Variants in GALNT13 observed in about 807,000 individuals in gnomAD.
GALNT13 encodes the protein polypeptide N-acetylgalactosaminyltransferase 13.
GALNT13 carries 28 observed loss-of-function variants against 64.2 expected under a neutral mutation model. The observed-to-expected ratio is 0.44, with a 90% confidence interval of 0.32 to 0.60. The LOEUF is 0.60. Ranked by LOEUF, GALNT13 falls within the 20% of genes least tolerant of loss-of-function variation. The pLI is 0.05. For missense variants in GALNT13, 577 were observed against 669.8 expected (o/e 0.86, Z 1.53); for synonymous variants, 214 against 224.6 (o/e 0.95, Z 0.42).
At chr2:153,963,747 G>C (rs994782757) in intron 3 of GALNT13, among the ~76,000 whole-genome samples, 46 of 143,860 alleles carry the variant, frequency 3.2e-4, no homozygotes, top group African/African-American at 7.5e-4. Context: ...GTGTGTGTGT[G>C]TGTGTGTGTG....
At chr2:153,156,501 G>T in the GALNT13 span, among the ~76,000 whole-genome samples, 1 of 152,062 alleles carries the variant, frequency 6.6e-6, no homozygotes, top group South Asian at 2.1e-4. Context: ...AAGAGAAACT[G>T]GTGTTTCTGG....
intron 1 of GALNT13, among the ~76,000 whole-genome samples, chr2:153,873,216 C>T (rs918981572): frequency 6.6e-6 from 1 of 152,056 alleles, no homozygotes; most frequent in Non-Finnish European, 1.5e-5. Flanking sequence ...TCAGTGGGGA[C>T]GCGGAGGAGA....
the GALNT13 span, among the ~76,000 whole-genome samples, chr2:153,306,209 T>G: frequency 6.6e-6 from 1 of 152,200 alleles, no homozygotes; most frequent in African/African-American, 2.4e-5. Context: ...GGTCGTTTCC[T>G]GCTTTCTTGT....
At chr2:153,147,948 C>T in the GALNT13 span, among the ~76,000 whole-genome samples, 4 of 151,940 alleles carry the variant, frequency 2.6e-5, no homozygotes, top group South Asian at 2.1e-4. Context: ...AGAACCTAGA[C>T]ATGCTTGAGT....
the GALNT13 span, among the ~76,000 whole-genome samples, chr2:153,484,795 T>C: frequency 6.6e-6 from 1 of 152,210 alleles, no homozygotes; most frequent in Non-Finnish European, 1.5e-5. Flanking sequence ...AACCATTGTT[T>C]AATGTTTTCC....
chr2:153,280,943 C>T, the GALNT13 span, among the ~76,000 whole-genome samples: 1 of 152,058 alleles, frequency 6.6e-6, no homozygotes, highest in Non-Finnish European at 1.5e-5. Flanking sequence ...GGATGACTGG[C>T]GCAATGCTGT....
chr2:153,643,651 A>G, the GALNT13 span, among the ~76,000 whole-genome samples: 2 of 151,892 alleles, frequency 1.3e-5, no homozygotes, highest in African/African-American at 2.4e-5. Flanking sequence ...GGTTAGAAAA[A>G]AAGAGTAGAC....
the GALNT13 span, among the ~76,000 whole-genome samples, chr2:153,630,564 G>C: frequency 6.9e-6 from 1 of 145,940 alleles, no homozygotes. Context: ...CGAGTTAATA[G>C]GTGCAGCACA....
intron 4 of GALNT13, among the ~76,000 whole-genome samples, chr2:154,222,745 C>T (rs957990463): frequency 1.3e-5 from 2 of 152,062 alleles, no homozygotes; most frequent in Non-Finnish European, 2.9e-5. Context: ...GCACTTTCCC[C>T]ATATGTTACC....
intron 3 of GALNT13, among the ~76,000 whole-genome samples, chr2:153,986,172 G>T (rs570096293): frequency 1.3e-5 from 2 of 151,996 alleles, no homozygotes; most frequent in Non-Finnish European, 2.9e-5. Context: ...ATGCTAAAGA[G>T]CTGGCTTCAA....
chr2:153,458,233 A>G, the GALNT13 span, among the ~76,000 whole-genome samples: 1 of 151,248 alleles, frequency 6.6e-6, no homozygotes, highest in Non-Finnish European at 1.5e-5. Flanking sequence ...TTAAAAAAAA[A>G]TCAGTAGTTT....
chr2:154,115,074 G>A (rs961505372), intron 3 of GALNT13, among the ~76,000 whole-genome samples: 1 of 152,122 alleles, frequency 6.6e-6, no homozygotes, highest in Non-Finnish European at 1.5e-5. Context: ...ACAAGGCATT[G>A]GTCAAGGGTA....
chr2:154,105,714 G>A (rs890170768), intron 3 of GALNT13, among the ~76,000 whole-genome samples: 1 of 152,160 alleles, frequency 6.6e-6, no homozygotes, highest in Non-Finnish European at 1.5e-5. Context: ...TCAAGACAGT[G>A]CTATCCCTTA....
At chr2:153,816,079 G>A in the GALNT13 span, among the ~76,000 whole-genome samples, 1 of 152,138 alleles carries the variant, frequency 6.6e-6, no homozygotes, top group Non-Finnish European at 1.5e-5. Flanking sequence ...CATTCTTATG[G>A]AAGAAAATAA....
At chr2:154,290,807 C>T (rs1443817366) in intron 8 of GALNT13, among the ~76,000 whole-genome samples, 1 of 152,126 alleles carries the variant, frequency 6.6e-6, no homozygotes, top group Non-Finnish European at 1.5e-5. Flanking sequence ...CTAGAGTTTC[C>T]TCCTTCTGGT....
the GALNT13 span, among the ~76,000 whole-genome samples, chr2:153,661,036 T>A: frequency 3.9e-5 from 6 of 151,966 alleles, no homozygotes; most frequent in African/African-American, 1.4e-4. Flanking sequence ...AGGGGAAAAA[T>A]TGTTGATGAA....
At chr2:154,439,047 A>G (rs546133391) in intron 12 of GALNT13, among the ~76,000 whole-genome samples, 1 of 152,194 alleles carries the variant, frequency 6.6e-6, no homozygotes, top group Admixed American at 6.5e-5. Context: ...GAAGATGTGC[A>G]TACAGGATAA....
At chr2:154,066,866 A>G (rs1045376110) in intron 3 of GALNT13, among the ~76,000 whole-genome samples, 12 of 152,178 alleles carry the variant, frequency 7.9e-5, no homozygotes, top group Non-Finnish European at 1.6e-4. Flanking sequence ...TGGTATATCA[A>G]CAATGTATAT....
At chr2:154,421,237 A>G (rs1188129303) in intron 11 of GALNT13, among the ~76,000 whole-genome samples, 1 of 152,108 alleles carries the variant, frequency 6.6e-6, no homozygotes, top group East Asian at 1.9e-4. Flanking sequence ...TACATTTTAT[A>G]TTCTGTATAA....
Sources: gnomAD v4.1 joint callset for allele counts (sites outside exome capture counted in the v4.1 genomes callset) on GRCh38, gnomAD v4.1.1 for gene constraint, MANE v1.5 for transcripts, NCBI Gene and HGNC (gene_info 2026-07-23, HGNC 2026-07-21) for gene names.